Variants in TCEAL5 observed in about 807,000 individuals in gnomAD.
TCEAL5 encodes transcription elongation factor A protein-like 5.
For synonymous variants in TCEAL5, 65 were observed against 61.2 expected, an observed-to-expected ratio of 1.06 and a Z score of -0.29; for missense variants, 111 against 158.1, an observed-to-expected ratio of 0.70 and a Z score of 1.60.
chrX:103,276,164 G>C (rs1326782134), intron 1 of TCEAL5, among the ~76,000 whole-genome samples: 1 of 111,158 alleles, frequency 9.0e-6, no homozygotes, highest in African/African-American at 3.3e-5. Flanking sequence ...CCGTTTTCTC[G>C]CCGTTTCGTC....
intron 2 of TCEAL5, 67 bp downstream of exon 2, chrX:103,275,208 A>G (rs1327617991): frequency 1.8e-5 from 2 of 111,613 alleles, no homozygotes; most frequent in East Asian, 2.8e-4. Flanking sequence ...GGCCTCCCCA[A>G]CTTCTGCTCT....
At chrX:103,275,771 G>A (rs1050133537) in intron 1 of TCEAL5, among the ~76,000 whole-genome samples, 1 of 111,173 alleles carries the variant, frequency 9.0e-6, no homozygotes, top group African/African-American at 3.3e-5. Context: ...GAGATAGGGG[G>A]CAGGGCAGAA....
intron 1 of TCEAL5, among the ~76,000 whole-genome samples, chrX:103,276,013 G>C (rs1925550493): frequency 9.0e-6 from 1 of 110,885 alleles, no homozygotes; most frequent in African/African-American, 3.3e-5. Context: ...GACCCCCTTA[G>C]CCCACCGTTT....
chrX:103,274,506 T>G lies in TCEAL5; in HGVS notation c.58A>C (p.Ser20Arg). Residue 20 changes from serine to arginine, a missense_variant, in exon 3 of 3, where the codon AGT (serine) becomes CGT (arginine). Ser to Arg is a moderately radical substitution (Grantham distance 110). Transcript: ENST00000372680. ...GKPENERNLE[S>R]EGKPEDEGST... The stretch of plus-strand genomic sequence containing the variant: ...CCCTCATCCTCTGGCTTTCCCTCAC[T>G]TTCTAGGTTTCTTTCATTCTCTGGC... 1 of 1,208,254 alleles carries G rather than the reference T, an allele frequency of 8.3e-7. No individual in the cohort carries two copies. The highest frequency in any genetic ancestry group is 1.1e-6 in the Non-Finnish European group (1 of 894,592).
Position 103,274,283 on chromosome X carries a change from G to A in TCEAL5, c.281C>T (p.Ala94Val). 1.7e-6 allele frequency: 2 copies of A among 1,211,594 alleles called. No homozygotes were observed. Among genetic ancestry groups the A allele is most frequent in the Non-Finnish European group, 2.2e-6 (2 of 895,530 alleles). The change falls in exon 3 of 3, where the codon GCC becomes GTC. Residue 94 changes from alanine (A) to valine (V), a missense_variant. Ala to Val is a moderately conservative substitution (Grantham distance 64, BLOSUM62 0). Transcript: ENST00000372680. The part of the protein sequence containing the change: ...PQSEGKPASQ[A>V]KPESQPRAAE... ...GGCCCGCGGCTGGCTCTCTGGCTTG[G>A]CCTGGGAGGCTGGCTTGCCCTCACT...
In TCEAL5 at chrX:103,274,120, T is replaced by C. The variant is rs754839606; in HGVS notation, c.444A>G (p.Glu148=). The change falls in exon 3 of 3, where the codon GAA becomes GAG. Residue 148 remains glutamate, a synonymous_variant. Coordinates refer to ENST00000372680, the MANE Select transcript of TCEAL5 (RefSeq NM_001012979.3). ...RHLSSEEMMR[E]CGDVSRAQEE... is the part of the protein sequence containing the mutation. Reference sequence around the variant, plus strand: ...CCTGAGCCCTTGACACATCTCCACATTCTCTCATCATCTCCTCACTGCTCA... The same window carrying C: ...CCTGAGCCCTTGACACATCTCCACACTCTCTCATCATCTCCTCACTGCTCA... The C allele has an allele frequency of 8.3e-7, 1 of 1,212,062 alleles. No homozygotes were observed. The highest frequency in any genetic ancestry group is 1.1e-6 in the Non-Finnish European group (1 of 895,592).
At chrX:103,276,000 C>T (rs970714802) in intron 1 of TCEAL5, among the ~76,000 whole-genome samples, 3 of 111,728 alleles carry the variant, frequency 2.7e-5, no homozygotes, top group Non-Finnish European at 5.6e-5. Context: ...ACCTCCTTCC[C>T]CTGACCCCCT....
In TCEAL5 at chrX:103,274,357, C is replaced by T. The variant is rs142420567; in HGVS notation, c.207G>A (p.Glu69=). ...EPGDEGQLED[E]GNQEKQGKSE... is the part of the protein sequence containing the mutation. ...ACTTGCCCTGCTTTTCCTGGTTTCC[C>T]TCATCTTCCAGTTGTCCCTCATCAC... Residue 69 remains glutamate (E), a synonymous_variant, in exon 3 of 3, where the codon GAG becomes GAA. Coordinates refer to ENST00000372680, the MANE Select transcript of TCEAL5 (RefSeq NM_001012979.3). The T allele has an allele frequency of 1.8e-5, 22 of 1,209,391 alleles. No individual in the cohort carries two copies. In the South Asian group the frequency reaches 3.5e-4, roughly 19 times the overall value.
intron 1 of TCEAL5, among the ~76,000 whole-genome samples, chrX:103,276,225 G>A (rs1199813042): frequency 4.5e-5 from 5 of 110,619 alleles, no homozygotes; most frequent in African/African-American, 3.3e-5. Context: ...TCACCCGGTC[G>A]CCGGCTTCCT....
rs1460553686 is a variant in TCEAL5, at chrX:103,274,216, T to G, written c.348A>C (p.Ala116=). 12 of 1,210,070 alleles carry G rather than the reference T, an allele frequency of 9.9e-6. No individual in the cohort carries two copies. Among genetic ancestry groups the G allele is most frequent in the Non-Finnish European group, 1.3e-5 (12 of 895,314 alleles). Residue 116 remains alanine (A), a synonymous_variant, in exon 3 of 3, where the codon GCA becomes GCC. Transcript: ENST00000372680. ...RPAEDYVPRK[A]KRKTDRGTDD... is the part of the protein sequence containing the mutation. ...CCGTCCCCCTGTCGGTTTTTCTTTT[T>G]GCTTTCCGGGGCACATAATCTTCAG...
At chrX:103,274,919 C>T (rs1476339151) in intron 2 of TCEAL5, among the ~76,000 whole-genome samples, 1 of 111,881 alleles carries the variant, frequency 8.9e-6, no homozygotes, top group Non-Finnish European at 1.9e-5. Context: ...TTACACGGAC[C>T]TGCAGAAATC....
rs1385646878 is a variant in TCEAL5, at chrX:103,275,281, C to A, written c.-34G>T. 9.0e-6 allele frequency: 1 copy of A among 111,652 alleles called. No homozygotes were observed. Among genetic ancestry groups the A allele is most frequent in the Non-Finnish European group, 1.9e-5 (1 of 53,104 alleles). The allele number at this position is 111,652 out of a possible 1,213,427, so 9.2% of individuals were successfully genotyped here. On this transcript the variant is annotated 5_prime_UTR_variant, in exon 2 of 3. Transcript: ENST00000372680. ...GTAGCCCTCTCCCACTGACCTGCAC[C>A]GATACTGCAGGTCTTTCCTTTTCTT...
intron 1 of TCEAL5, 116 bp downstream of exon 1, chrX:103,276,557 T>A (rs911062332): frequency 1.4e-4 from 16 of 110,642 alleles, no homozygotes; most frequent in African/African-American, 4.9e-4. Context: ...CACAAAAAAA[T>A]TTCTGCGCCA....
rs1317268876 is a variant in TCEAL5, at chrX:103,276,727, C to T, written c.-150G>A. 2 of 111,305 alleles carry T rather than the reference C, an allele frequency of 1.8e-5. No homozygotes were observed. Among genetic ancestry groups the T allele is most frequent in the African/African-American group, 6.6e-5 (2 of 30,498 alleles). The allele number at this position is 111,305 out of a possible 1,213,427, so 9.2% of individuals were successfully genotyped here. A position where few individuals can be genotyped will look rare whatever the true frequency, so the allele number is the denominator to read the frequency against. ...TGTCCTTCAGTCTGAAGTCTGCCTT[C>T]CTCCACGGAAACAGGGATCTGGTAC... On this transcript the variant is annotated 5_prime_UTR_variant, in exon 1 of 3. Transcript: ENST00000372680.
rs779991719 is a variant in TCEAL5, at chrX:103,273,865, A to G, written c.*78T>C. 4.4e-5 allele frequency: 50 copies of G among 1,147,072 alleles called. No homozygotes were observed. The highest frequency in any genetic ancestry group is 5.8e-5 in the Non-Finnish European group (50 of 858,776). 94.5% of individuals were successfully genotyped at this position (1,147,072 alleles called of 1,213,427 possible). A position where few individuals can be genotyped will look rare whatever the true frequency, so the allele number is the denominator to read the frequency against. ...GTATCAGCTTAAGGTTAAAGCACAT[A>G]GGCCGGCAAATGCCTGCCAGGAAAA... On this transcript the variant is annotated 3_prime_UTR_variant, in exon 3 of 3. Coordinates refer to ENST00000372680, the MANE Select transcript of TCEAL5 (RefSeq NM_001012979.3).
In TCEAL5 at chrX:103,273,830, C is replaced by A; in HGVS notation, c.*113G>T. The A allele has an allele frequency of 9.4e-7, 1 of 1,065,671 alleles. No homozygotes were observed. The highest frequency in any genetic ancestry group is 1.2e-6 in the Non-Finnish European group (1 of 807,299). The allele number at this position is 1,065,671 out of a possible 1,213,427, so 87.8% of individuals were successfully genotyped here. ...AGTCTGCTGGTAACAAGAGTGACAC[C>A]TAAAGGAAAGTATCAGCTTAAGGTT... On this transcript the variant is annotated 3_prime_UTR_variant, in exon 3 of 3. Transcript: ENST00000372680.
At position 103,273,697 on chromosome X, in the gene TCEAL5, T is replaced by C. The variant is rs1925495828; in HGVS notation, c.*246A>G. 6 of 437,379 alleles carry C rather than the reference T, an allele frequency of 1.4e-5. No homozygotes were observed. Among genetic ancestry groups the C allele is most frequent in the Admixed American group, 4.5e-5 (1 of 22,307 alleles). The allele number at this position is 437,379 out of a possible 1,213,427, so 36.0% of individuals were successfully genotyped here. A position where few individuals can be genotyped will look rare whatever the true frequency, so the allele number is the denominator to read the frequency against. On this transcript the variant is annotated 3_prime_UTR_variant, in exon 3 of 3. Transcript: ENST00000372680. ...AATGGGCTGATACTGTATACATGGTTCTGAAAACTCTTTTTTATTGTTATT... is the reference window on the plus strand; with the variant it reads ...AATGGGCTGATACTGTATACATGGTCCTGAAAACTCTTTTTTATTGTTATT...
intron 1 of TCEAL5, among the ~76,000 whole-genome samples, chrX:103,275,605 T>C (rs982184479): frequency 2.7e-5 from 3 of 111,762 alleles, no homozygotes; most frequent in Non-Finnish European, 5.6e-5. Flanking sequence ...CCCAAATTTT[T>C]ATCTCACTTT....
At position 103,274,323 on chromosome X, in the gene TCEAL5, C is replaced by G. The variant is rs777506781; in HGVS notation, c.241G>C (p.Glu81Gln). ...NQEKQGKSEG[E>Q]DKPQSEGKPA... Reference sequence around the variant, plus strand: ...TTGCCCTCACTTTGTGGCTTGTCCTCACCTTCAGACTTGCCCTGCTTTTCC... The same window carrying G: ...TTGCCCTCACTTTGTGGCTTGTCCTGACCTTCAGACTTGCCCTGCTTTTCC... The change falls in exon 3 of 3, where the codon GAG becomes CAG. Residue 81 changes from glutamate to glutamine, a missense_variant. Glu to Gln is a conservative substitution (Grantham distance 29). Coordinates refer to ENST00000372680, the MANE Select transcript of TCEAL5 (RefSeq NM_001012979.3). The G allele has an allele frequency of 7.4e-6, 9 of 1,211,688 alleles. No homozygotes were observed. The highest frequency in any genetic ancestry group is 8.9e-6 in the Non-Finnish European group (8 of 895,469).
Sources: gnomAD v4.1 joint callset for allele counts (sites outside exome capture counted in the v4.1 genomes callset) on GRCh38, gnomAD v4.1.1 for gene constraint, MANE v1.5 for transcripts, NCBI Gene and HGNC (gene_info 2026-07-23, HGNC 2026-07-21) for gene names.